PRMT8: variants seen among roughly 807,000 people sequenced by gnomAD.
PRMT8 encodes protein arginine methyltransferase 8.
A neutral mutation model predicts 47.1 loss-of-function variants in PRMT8; 7 were observed. The ratio of observed to expected loss-of-function variants is 0.15; its 90% CI spans 0.08 to 0.28. PRMT8 has a LOEUF of 0.28. Ranked by LOEUF, PRMT8 falls within the 10% of genes least tolerant of loss-of-function variation. The pLI is 1.00. For synonymous variants in PRMT8, 188 were observed against 186.5 expected (o/e 1.01, Z -0.07); for missense variants, 237 against 505.4 (o/e 0.47, Z 5.09).
chr12:3,436,004 A>T lies in PRMT8; in HGVS notation c.48+54562A>T, dbSNP rs1422232518. 6.6e-6 allele frequency among the ~76,000 whole-genome samples: 1 copy of T among 152,016 alleles called. No homozygotes were observed. The highest frequency in any genetic ancestry group is 1.5e-5 in the Non-Finnish European group (1 of 67,986). ...GATGTCCAATTTATTCCTCCTCAGG[A>T]GGGGTGATTTTAGCGGGCAAGGGGA... On this transcript the variant is annotated intron_variant, in intron 1 of 9. Coordinates refer to the PRMT8 transcript ENST00000452611. This position sits in a 1 kb window ranked among gnomAD's most constrained non-coding sequence, Gnocchi z 4.2.
At chr12:3,424,768 A>C (rs1292202465) in intron 1 of PRMT8, among the ~76,000 whole-genome samples, 1 of 152,230 alleles carries the variant, frequency 6.6e-6, no homozygotes, top group Non-Finnish European at 1.5e-5. Flanking sequence ...TAACCATAAA[A>C]TAATAGCACT....
intron 4 of PRMT8, among the ~76,000 whole-genome samples, chr12:3,568,210 G>A (rs1395528190): frequency 1.3e-5 from 2 of 152,176 alleles, no homozygotes; most frequent in Non-Finnish European, 2.9e-5. Flanking sequence ...ACTGAGTGGA[G>A]TGGATCAGCA....
chr12:3,470,554 G>A (rs1050949557), intron 1 of PRMT8, among the ~76,000 whole-genome samples: 8 of 152,178 alleles, frequency 5.3e-5, no homozygotes, highest in Non-Finnish European at 2.9e-5. Flanking sequence ...CGTTGCTGGC[G>A]TGGTTCTGCC....
chr12:3,510,850 A>G (rs932512181), intron 1 of PRMT8, among the ~76,000 whole-genome samples: 18 of 152,188 alleles, frequency 1.2e-4, no homozygotes, highest in Admixed American at 3.9e-4. Flanking sequence ...GCAGGGACCT[A>G]TCCTGAGCCC....
rs545772272 is a variant in PRMT8 at position 3,552,372 on chromosome 12, C to T, written c.418-1279C>T. Reference sequence around the variant, plus strand: ...GTTGAGCAAGCTTCGGCTGAGTTTACCCTCACACACTCACGTGCATTGGGG... The same window carrying T: ...GTTGAGCAAGCTTCGGCTGAGTTTATCCTCACACACTCACGTGCATTGGGG... On this transcript the variant is annotated intron_variant, in intron 3 of 9. Coordinates refer to ENST00000382622, the MANE Select transcript of PRMT8 (RefSeq NM_019854.5). The surrounding 1 kb of genome is among the most constrained non-coding windows in gnomAD (Gnocchi z 4.5). 148 of 176,208 alleles carry T rather than the reference C, an allele frequency of 8.4e-4. No homozygotes were observed. Among genetic ancestry groups the T allele is most frequent in the Middle Eastern group, 2.6e-3 (1 of 392 alleles). 10.9% of individuals were successfully genotyped at this position (176,208 alleles called of 1,614,324 possible). A position where few individuals can be genotyped will look rare whatever the true frequency, so the allele number is the denominator to read the frequency against.
intron 4 of PRMT8, among the ~76,000 whole-genome samples, chr12:3,560,440 C>T (rs1294443522): frequency 6.6e-6 from 1 of 152,190 alleles, no homozygotes; most frequent in Non-Finnish European, 1.5e-5. Flanking sequence ...TGGCTTCTTC[C>T]ACATGTGTGG....
intron 1 of PRMT8, among the ~76,000 whole-genome samples, chr12:3,525,228 A>G (rs1386204001): frequency 6.6e-6 from 1 of 152,196 alleles, no homozygotes; most frequent in Non-Finnish European, 1.5e-5. Context: ...TCTCAAAAAA[A>G]AAGAGAACTA....
chr12:3,551,290 G>C (rs1047230264), intron 3 of PRMT8: 1 of 152,302 alleles, frequency 6.6e-6, no homozygotes, highest in African/African-American at 2.4e-5. Context: ...ACCAGGAAAA[G>C]CTGTGACGTT....
At chr12:3,422,529 G>A (rs932622613) in intron 1 of PRMT8, among the ~76,000 whole-genome samples, 1 of 152,182 alleles carries the variant, frequency 6.6e-6, no homozygotes, top group African/African-American at 2.4e-5. Context: ...ACAACTCTAA[G>A]GGGGTCCGCG....
intron 8 of PRMT8, among the ~76,000 whole-genome samples, chr12:3,588,614 G>A (rs754962838): frequency 6.6e-6 from 1 of 152,190 alleles, no homozygotes; most frequent in East Asian, 1.9e-4. Context: ...AGCCATACCC[G>A]GCCTGTGGCA....
At chr12:3,445,434 A>AT (rs1376902022) in intron 1 of PRMT8, among the ~76,000 whole-genome samples, 2 of 152,240 alleles carry the variant, frequency 1.3e-5, no homozygotes, top group African/African-American at 4.8e-5. Flanking sequence ...ATAAAATGCC[A>AT]TATCAGCTAC....
At chr12:3,567,128 CT>C (rs763659043) in intron 4 of PRMT8, among the ~76,000 whole-genome samples, 28 of 152,366 alleles carry the variant, frequency 1.8e-4, no homozygotes, top group Admixed American at 3.9e-4. Context: ...CCCTCTCCAT[CT>C]GTGGATCAAC....
chr12:3,573,420 A>G (rs1866885116), intron 6 of PRMT8, among the ~76,000 whole-genome samples: 2 of 152,214 alleles, frequency 1.3e-5, no homozygotes, highest in Admixed American at 1.3e-4. Context: ...TAACATACTT[A>G]GTATAGATAC....
chr12:3,429,548 T>G (rs1864650802), intron 1 of PRMT8, among the ~76,000 whole-genome samples: 1 of 151,840 alleles, frequency 6.6e-6, no homozygotes, highest in South Asian at 2.1e-4. Context: ...ACCATCAGAG[T>G]ATCAAGAAAT....
At chr12:3,511,477 TTGTC>T (rs976638653) in intron 1 of PRMT8, among the ~76,000 whole-genome samples, 4 of 152,174 alleles carry the variant, frequency 2.6e-5, no homozygotes, top group Non-Finnish European at 5.9e-5. Flanking sequence ...TGGCAATTAT[TTGTC>T]TGGGGAAGAA....
At chr12:3,403,326 G>C (rs956127963) in intron 1 of PRMT8, among the ~76,000 whole-genome samples, 3 of 152,026 alleles carry the variant, frequency 2.0e-5, no homozygotes, top group African/African-American at 7.3e-5. Flanking sequence ...GAGGGGTTGG[G>C]GGAAGGAGAG....
chr12:3,496,764 CA>C (rs1865516066), intron 1 of PRMT8, among the ~76,000 whole-genome samples: 1 of 151,974 alleles, frequency 6.6e-6, no homozygotes, highest in Non-Finnish European at 1.5e-5. Context: ...GGAGTCTTGC[CA>C]AAAAAGTGCA....
At chr12:3,408,578 A>G (rs1190248337) in intron 1 of PRMT8, among the ~76,000 whole-genome samples, 1 of 152,090 alleles carries the variant, frequency 6.6e-6, no homozygotes, top group East Asian at 1.9e-4. Flanking sequence ...TTTTCAGGTG[A>G]TTAATAGATT....
intron 1 of PRMT8, among the ~76,000 whole-genome samples, chr12:3,537,657 C>A (rs1211111068): frequency 6.6e-6 from 1 of 152,190 alleles, no homozygotes; most frequent in East Asian, 1.9e-4. Flanking sequence ...ATGTCACCAC[C>A]ATTTCCCTAG....
Sources: allele counts gnomAD v4.1 joint callset (sites outside exome capture counted in the v4.1 genomes callset), GRCh38; gene constraint gnomAD v4.1.1; non-coding constraint Gnocchi (gnomAD v3.1); transcripts MANE v1.5; gene names NCBI Gene and HGNC (gene_info 2026-07-23, HGNC 2026-07-21).